Variants in LMF1 observed in about 807,000 individuals in gnomAD.
LMF1 encodes lipase maturation factor 1.
A neutral mutation model predicts 60.6 loss-of-function variants in LMF1; 68 were observed. The ratio of observed to expected loss-of-function variants is 1.12; its 90% CI spans 0.92 to 1.37. LMF1 has a LOEUF of 1.37. Among genes scored for constraint, LMF1 ranks in the 40% most tolerant of loss-of-function variants. The probability of loss-of-function intolerance (pLI) is 0.00; values close to 1 mark genes in which losing one functional copy is unlikely to be tolerated. For synonymous variants in LMF1, 418 were observed against 324.7 expected, an observed-to-expected ratio of 1.29 and a Z score of -3.09; for missense variants, 948 against 767.2, an observed-to-expected ratio of 1.24 and a Z score of -2.78.
chr16:919,133 G>C (rs939375668), intron 3 of LMF1, among the ~76,000 whole-genome samples: 1 of 152,082 alleles, frequency 6.6e-6, no homozygotes, highest in Non-Finnish European at 1.5e-5. Flanking sequence ...CAGTCTCGGG[G>C]GACAGTCTGT....
At position 897,833 on chromosome 16, in the gene LMF1, T is replaced by G. The variant is rs2070706134; in HGVS notation, c.664-4761A>C. Among the ~76,000 whole-genome samples, 1 of 152,156 alleles carries G rather than the reference T, an allele frequency of 6.6e-6. No individual in the cohort carries two copies. The highest frequency in any genetic ancestry group is 2.1e-4 in the South Asian group (1 of 4,826). ...GCCTGGCTCCGTGGCTTTCCTGTCT[T>G]CCTGGGATGGTTTCCGCACTTTCTT... is the stretch of plus-strand genomic sequence containing the variant. On this transcript the variant is annotated intron_variant, in intron 4 of 10. Transcript: ENST00000262301. This position sits in a 1 kb window ranked among gnomAD's most constrained non-coding sequence, Gnocchi z 4.3.
At chr16:953,637 A>G (rs71197909) in intron 2 of LMF1, among the ~76,000 whole-genome samples, 2 of 2,690 alleles carry the variant, frequency 7.4e-4, no homozygotes, top group East Asian at 0.042. Context: ...CCAGCCTCCT[A>G]CACGTCCACA....
intron 6 of LMF1, among the ~76,000 whole-genome samples, chr16:879,250 G>T (rs1450437267): frequency 6.6e-6 from 1 of 152,190 alleles, no homozygotes; most frequent in Non-Finnish European, 1.5e-5. Flanking sequence ...GAATGTGGGG[G>T]TGTCCACACA....
intron 10 of LMF1, among the ~76,000 whole-genome samples, chr16:866,641 C>T (rs2069617583): frequency 2.0e-5 from 3 of 152,134 alleles, no homozygotes; most frequent in Admixed American, 1.3e-4. Context: ...GGAGGAGAGT[C>T]CAGGCTCCCT....
chr16:913,683 T>C (rs533139088), intron 3 of LMF1, among the ~76,000 whole-genome samples: 3 of 152,332 alleles, frequency 2.0e-5, no homozygotes, highest in African/African-American at 4.8e-5. Flanking sequence ...TGCAGGTAAC[T>C]GTACTGTGCC....
chr16:934,586 T>C (rs994165793), intron 2 of LMF1: 4 of 354,900 alleles, frequency 1.1e-5, no homozygotes, highest in African/African-American at 2.1e-5. Context: ...AATGTCATAC[T>C]CTGGAATCTG....
chr16:957,288 GTC>G (rs1426643868), intron 1 of LMF1, among the ~76,000 whole-genome samples: 1 of 152,200 alleles, frequency 6.6e-6, no homozygotes, highest in African/African-American at 2.4e-5. Flanking sequence ...TGGGGTCCAT[GTC>G]TGTGTAACTG....
chr16:870,036 C>T lies in LMF1; in HGVS notation c.1263G>A (p.Leu421=). Reference sequence around the variant, plus strand: ...TGGCGTTGGAGCTGGCTGTGCCCTGCAGGATCACCTCCGCCCGCTCCTTGG... The same window carrying T: ...TGGCGTTGGAGCTGGCTGTGCCCTGTAGGATCACCTCCGCCCGCTCCTTGG... ...SITKERAEVI[L]QGTASSNASA... is the part of the protein sequence containing the mutation. The change falls in exon 9 of 11, where the codon CTG becomes CTA. Residue 421 remains leucine (L), a synonymous_variant. Coordinates refer to ENST00000262301, the MANE Select transcript of LMF1 (RefSeq NM_022773.4). 2 of 1,611,752 alleles carry T rather than the reference C, an allele frequency of 1.2e-6. No homozygotes were observed. The highest frequency in any genetic ancestry group is 1.1e-5 in the South Asian group (1 of 91,072).
intron 4 of LMF1, among the ~76,000 whole-genome samples, chr16:909,200 T>C (rs1221194303): frequency 6.6e-6 from 1 of 152,050 alleles, no homozygotes; most frequent in South Asian, 2.1e-4. Flanking sequence ...TCTGCAGCAC[T>C]GGCTAAGGGC....
chr16:866,573 G>A (rs948700218), intron 10 of LMF1, among the ~76,000 whole-genome samples: 1 of 152,152 alleles, frequency 6.6e-6, no homozygotes, highest in Non-Finnish European at 1.5e-5. Context: ...CTGCCCACTT[G>A]GATGAAAATC....
intron 2 of LMF1, among the ~76,000 whole-genome samples, chr16:940,859 TTTAG>T (rs1329690097): frequency 1.3e-5 from 2 of 152,164 alleles, no homozygotes; most frequent in East Asian, 3.8e-4. Flanking sequence ...TTTTTGTTTG[TTTAG>T]TTGTTCTTTC....
intron 3 of LMF1, among the ~76,000 whole-genome samples, chr16:926,041 C>T (rs375331573): frequency 7.3e-5 from 11 of 149,760 alleles, no homozygotes; most frequent in Admixed American, 2.7e-4. Flanking sequence ...TACCTGTGTG[C>T]GCATGTGTGC....
intron 1 of LMF1, chr16:968,660 C>G (rs962908274): frequency 2.0e-5 from 3 of 152,216 alleles, no homozygotes; most frequent in African/African-American, 7.2e-5. Flanking sequence ...GATTCTACCC[C>G]AAATGTACTC....
chr16:915,834 GGTGAGATGCAGGGGCCGGAGCAC>G (rs2071264821), intron 3 of LMF1, among the ~76,000 whole-genome samples: 1 of 152,048 alleles, frequency 6.6e-6, no homozygotes, highest in South Asian at 2.1e-4. Context: ...GGCCGGAGCA[GGTGAGATGCAGGGGCCGGAGCAC>G]GTGGGACGCG....
At chr16:932,145 C>T (rs1279023534) in intron 3 of LMF1, among the ~76,000 whole-genome samples, 1 of 152,384 alleles carries the variant, frequency 6.6e-6, no homozygotes, top group East Asian at 1.9e-4. Flanking sequence ...TCCAGCACTG[C>T]CTCTGGGAGT....
intron 1 of LMF1, chr16:979,725 C>T (rs1358276717): frequency 2.2e-6 from 1 of 454,158 alleles, no homozygotes; most frequent in Non-Finnish European, 4.4e-6. Flanking sequence ...GAGGTCCTCA[C>T]CCGGATGGCA....
At chr16:877,708 AC>A (rs1394395741) in intron 6 of LMF1, among the ~76,000 whole-genome samples, 4 of 152,208 alleles carry the variant, frequency 2.6e-5, no homozygotes, top group African/African-American at 9.6e-5. Flanking sequence ...CTGCTGTGGG[AC>A]CCCAGACCCA....
intron 1 of LMF1, among the ~76,000 whole-genome samples, chr16:963,479 G>A (rs958894765): frequency 6.6e-6 from 1 of 152,098 alleles, no homozygotes; most frequent in African/African-American, 2.4e-5. Context: ...ACGGGTGTAT[G>A]CATGTCTCTG....
intron 5 of LMF1, among the ~76,000 whole-genome samples, chr16:886,590 C>T (rs1278444243): frequency 1.5e-5 from 1 of 64,544 alleles, no homozygotes; most frequent in Non-Finnish European, 2.8e-5. Flanking sequence ...TTCCCCAGGC[C>T]CCTCCCACCC....
Sources: gnomAD v4.1 joint callset for allele counts (sites outside exome capture counted in the v4.1 genomes callset) on GRCh38, gnomAD v4.1.1 for gene constraint, Gnocchi (gnomAD v3.1) non-coding constraint, MANE v1.5 for transcripts, NCBI Gene and HGNC (gene_info 2026-07-23, HGNC 2026-07-21) for gene names.